The following SLC9A9 variants were observed in gnomAD, a reference collection of about 807,000 sequenced individuals.
SLC9A9 encodes the protein sodium/hydrogen exchanger 9.
In SLC9A9, 62 loss-of-function variants were observed where a neutral mutation model predicts 77.8. The observed-to-expected ratio is 0.80, with a 90% confidence interval of 0.65 to 0.98. SLC9A9 has a LOEUF of 0.98. Ranked by LOEUF, SLC9A9 falls within the 50% of genes least tolerant of loss-of-function variation. The pLI is 0.00. For missense variants in SLC9A9, 775 were observed against 774.9 expected (o/e 1.00, Z 0.00); for synonymous variants, 320 against 283.5 (o/e 1.13, Z -1.29).
intron 14 of SLC9A9, among the ~76,000 whole-genome samples, chr3:143,306,232 T>A (rs1173196876): frequency 2.0e-5 from 3 of 152,154 alleles, no homozygotes; most frequent in Non-Finnish European, 4.4e-5. Context: ...TGGCAGAAGG[T>A]TGAGGCCTCC....
intron 6 of SLC9A9, among the ~76,000 whole-genome samples, chr3:143,606,297 CAGGAGGCTG>C: frequency 6.6e-6 from 1 of 151,466 alleles, no homozygotes; most frequent in East Asian, 1.9e-4. Flanking sequence ...CCCAGCTACT[CAGGAGGCTG>C]AGGCAGGAGA....
chr3:143,496,414 T>C (rs1255191935), intron 9 of SLC9A9, among the ~76,000 whole-genome samples: 1 of 152,234 alleles, frequency 6.6e-6, no homozygotes, highest in African/African-American at 2.4e-5. Flanking sequence ...GGCATTTCTC[T>C]TGACTTTTTA....
intron 12 of SLC9A9, among the ~76,000 whole-genome samples, chr3:143,443,768 C>T (rs1322157122): frequency 6.6e-6 from 1 of 152,152 alleles, no homozygotes; most frequent in Non-Finnish European, 1.5e-5. Flanking sequence ...CCCAACAATT[C>T]TTTAGAAGTA....
chr3:143,543,284 C>G (rs1215779132), intron 9 of SLC9A9, among the ~76,000 whole-genome samples: 1 of 152,190 alleles, frequency 6.6e-6, no homozygotes, highest in Admixed American at 6.5e-5. Context: ...TTCAGTGCCC[C>G]CTAACCTATA....
chr3:143,793,881 G>A (rs114782842), intron 4 of SLC9A9, among the ~76,000 whole-genome samples: 1,699 of 152,264 alleles, frequency 0.011, 23 homozygotes, highest in African/African-American at 0.039. Context: ...AGTACCCTGT[G>A]TCTCTCAGGT....
chr3:143,395,841 T>C (rs1012605296), intron 12 of SLC9A9, among the ~76,000 whole-genome samples: 8 of 152,068 alleles, frequency 5.3e-5, no homozygotes, highest in Admixed American at 6.5e-5. Flanking sequence ...AACAGACATA[T>C]GAAAAAATGC....
At chr3:143,817,235 G>A (rs1387313001) in intron 2 of SLC9A9, among the ~76,000 whole-genome samples, 1 of 148,962 alleles carries the variant, frequency 6.7e-6, no homozygotes, top group Non-Finnish European at 1.5e-5. Context: ...TGCAAGCTCC[G>A]CTTCCCAGGT....
intron 5 of SLC9A9, among the ~76,000 whole-genome samples, chr3:143,667,313 C>A (rs1205103776): frequency 2.0e-5 from 3 of 152,132 alleles, no homozygotes; most frequent in East Asian, 3.8e-4. Context: ...TTCCTTACAC[C>A]TTATACAAAA....
At chr3:143,315,700 AG>A (rs1403328888) in intron 14 of SLC9A9, among the ~76,000 whole-genome samples, 4 of 152,240 alleles carry the variant, frequency 2.6e-5, no homozygotes. Context: ...ACTCACTCAG[AG>A]GCTGTACCAA....
At chr3:143,567,564 T>G (rs2037187522) in intron 8 of SLC9A9, among the ~76,000 whole-genome samples, 1 of 152,180 alleles carries the variant, frequency 6.6e-6, no homozygotes, top group Non-Finnish European at 1.5e-5. Context: ...CAGCCTTCAT[T>G]TGCATGTCTA....
At chr3:143,700,980 G>C (rs1352142585) in intron 4 of SLC9A9, among the ~76,000 whole-genome samples, 1 of 152,252 alleles carries the variant, frequency 6.6e-6, no homozygotes, top group Non-Finnish European at 1.5e-5. Context: ...TTGTTTGGGA[G>C]AAAGTAATGG....
At chr3:143,397,458 A>G (rs2108509769) in intron 12 of SLC9A9, among the ~76,000 whole-genome samples, 1 of 152,364 alleles carries the variant, frequency 6.6e-6, no homozygotes, top group East Asian at 1.9e-4. Flanking sequence ...ATATGTTGGT[A>G]TGAAACCATA....
At chr3:143,681,396 A>T (rs1337484529) in intron 5 of SLC9A9, among the ~76,000 whole-genome samples, 1 of 152,304 alleles carries the variant, frequency 6.6e-6, no homozygotes, top group South Asian at 2.1e-4. Flanking sequence ...CTTATAATGT[A>T]TCGATGTAAC....
chr3:143,561,670 A>C (rs2037087901), intron 8 of SLC9A9, among the ~76,000 whole-genome samples: 1 of 152,178 alleles, frequency 6.6e-6, no homozygotes, highest in Admixed American at 6.5e-5. Context: ...TCATCTGGCT[A>C]GTGGCTACCT....
chr3:143,578,082 G>T (rs1468330452), intron 7 of SLC9A9, among the ~76,000 whole-genome samples: 1 of 152,146 alleles, frequency 6.6e-6, no homozygotes, highest in Non-Finnish European at 1.5e-5. Flanking sequence ...TTGCTTGCAG[G>T]TTCCCTTCTA....
intron 9 of SLC9A9, among the ~76,000 whole-genome samples, chr3:143,526,868 A>T (rs2036416523): frequency 6.6e-6 from 1 of 152,176 alleles, no homozygotes; most frequent in African/African-American, 2.4e-5. Flanking sequence ...AGTATATGTT[A>T]TTCTGTGTGT....
At position 143,796,752 on chromosome 3, in the gene SLC9A9, T is replaced by A. The variant is rs959884420; in HGVS notation, c.456+74A>T. The A allele has an allele frequency of 5.4e-5, 57 of 1,046,956 alleles. No homozygotes were observed. The African/African-American group carries it at 8.8e-4, about 16-fold the overall frequency. The allele number at this position is 1,046,956 out of a possible 1,614,324, so 64.9% of individuals were successfully genotyped here. On this transcript the variant is annotated intron_variant, in intron 3 of 15. Transcript: ENST00000316549. Reference sequence around the variant, plus strand: ...TACCAAATAGAGAAGCCCATAAAAATAACAGTTTCTCATTAGTGCTGGTAA... The same window carrying A: ...TACCAAATAGAGAAGCCCATAAAAAAAACAGTTTCTCATTAGTGCTGGTAA...
chr3:143,418,898 C>T (rs2034248053), intron 12 of SLC9A9, among the ~76,000 whole-genome samples: 1 of 152,158 alleles, frequency 6.6e-6, no homozygotes, highest in African/African-American at 2.4e-5. Flanking sequence ...TGTGTGCCCA[C>T]TGTGTACTGA....
chr3:143,721,240 A>G (rs1934491112), intron 4 of SLC9A9, among the ~76,000 whole-genome samples: 2 of 152,128 alleles, frequency 1.3e-5, no homozygotes, highest in Admixed American at 6.5e-5. Context: ...TTGTACCCTA[A>G]AGAAGTCCCC....
Sources: gnomAD v4.1 joint callset for allele counts (sites outside exome capture counted in the v4.1 genomes callset) on GRCh38, gnomAD v4.1.1 for gene constraint, MANE v1.5 for transcripts, NCBI Gene and HGNC (gene_info 2026-07-23, HGNC 2026-07-21) for gene names.